Variants in CLIP2 observed in about 807,000 individuals in gnomAD.
CLIP2 encodes CAP-Gly domain containing linker protein 2, also known as CAP-Gly domain-containing linker protein 2.
CLIP2 carries 41 observed loss-of-function variants against 111.7 expected under a neutral mutation model. The ratio of observed to expected loss-of-function variants is 0.37; its 90% CI spans 0.29 to 0.48. The LOEUF (loss-of-function observed/expected upper bound fraction) is 0.48. Ranked by LOEUF, CLIP2 falls within the 20% of genes least tolerant of loss-of-function variation. The pLI is 0.99. For synonymous variants in CLIP2, 660 were observed against 644.2 expected (o/e 1.02, Z -0.37); for missense variants, 1,160 against 1,422.1 (o/e 0.82, Z 2.96).
At chr7:74,392,361 A>AAAAGAAAAGG (rs1791316138) in intron 13 of CLIP2, among the ~76,000 whole-genome samples, 1 of 151,080 alleles carries the variant, frequency 6.6e-6, no homozygotes, top group Non-Finnish European at 1.5e-5. Flanking sequence ...AAAAAAAAAA[A>AAAAGAAAAGG]AAAGAAAAGG....
At position 74,401,771 on chromosome 7, in the gene CLIP2, T is replaced by TA. The variant is rs1437430839; in HGVS notation, c.3129+210dup. 4 of 703,096 alleles carry TA rather than the reference T, an allele frequency of 5.7e-6. No homozygotes were observed. In the Admixed American group the frequency reaches 8.2e-5, roughly 14 times the overall value. The allele number at this position is 703,096 out of a possible 1,614,324, so 43.6% of individuals were successfully genotyped here. On this transcript the variant is annotated intron_variant, in intron 16 of 16. Coordinates refer to ENST00000223398, the MANE Select transcript of CLIP2 (RefSeq NM_003388.5). ...TTTGATTTGTGTTTTCTTCCCTTCT[T>TA]AAAAAAGTTATAGGTTGGGCGCAGT...
chr7:74,399,288 A>G (rs905043509), intron 14 of CLIP2, among the ~76,000 whole-genome samples: 2 of 152,002 alleles, frequency 1.3e-5, no homozygotes, highest in African/African-American at 4.8e-5. Context: ...CTATAATCCC[A>G]CTGCTTTGGG....
intron 16 of CLIP2, among the ~76,000 whole-genome samples, chr7:74,402,077 A>G (rs759433692): frequency 2.0e-5 from 3 of 152,126 alleles, no homozygotes; most frequent in Admixed American, 6.6e-5. Flanking sequence ...AGCCTGGCCA[A>G]TATGGTGAAA....
At chr7:74,350,342 G>A (rs929442018) in intron 3 of CLIP2, among the ~76,000 whole-genome samples, 1 of 151,990 alleles carries the variant, frequency 6.6e-6, no homozygotes, top group Non-Finnish European at 1.5e-5. Context: ...TTGAGCCACT[G>A]TTCCTGGCCT....
rs1489241977 is a variant in CLIP2 at position 74,303,489 on chromosome 7, C to T, written c.-68+13755C>T. ...AAGGGCTCACCATTGGCTCAGAAAG[C>T]CTGGCCTGGCAGTGAGCATTTTGGG... On this transcript the variant is annotated intron_variant, in intron 1 of 16. Coordinates refer to ENST00000223398, the MANE Select transcript of CLIP2 (RefSeq NM_003388.5). Among the ~76,000 whole-genome samples, 4 of 151,934 alleles carry T rather than the reference C, an allele frequency of 2.6e-5. No individual in the cohort carries two copies. The East Asian group carries it at 7.7e-4, about 29-fold the overall frequency.
chr7:74,322,753 A>T (rs952420112), intron 2 of CLIP2, among the ~76,000 whole-genome samples: 2 of 151,966 alleles, frequency 1.3e-5, no homozygotes, highest in Non-Finnish European at 2.9e-5. Flanking sequence ...TTTTTTTGAG[A>T]TGGAGTCTCG....
chr7:74,333,437 G>A (rs1789357457), intron 2 of CLIP2, among the ~76,000 whole-genome samples: 1 of 151,804 alleles, frequency 6.6e-6, no homozygotes, highest in African/African-American at 2.4e-5. Flanking sequence ...ACCCACCTCG[G>A]CCTCCCAAAG....
intron 16 of CLIP2, among the ~76,000 whole-genome samples, chr7:74,403,281 C>T (rs1005668080): frequency 6.6e-6 from 1 of 151,258 alleles, no homozygotes; most frequent in Non-Finnish European, 1.5e-5. Flanking sequence ...TTTGTAAAAC[C>T]TGCTTCTGGC....
At chr7:74,311,510 G>A (rs1554728512) in intron 1 of CLIP2, among the ~76,000 whole-genome samples, 1 of 152,020 alleles carries the variant, frequency 6.6e-6, no homozygotes, top group Non-Finnish European at 1.5e-5. Flanking sequence ...TGTGCTTATG[G>A]GCTGTTTGTA....
intron 8 of CLIP2, among the ~76,000 whole-genome samples, chr7:74,372,487 C>G (rs1790656849): frequency 6.6e-6 from 1 of 151,024 alleles, no homozygotes; most frequent in Non-Finnish European, 1.5e-5. Context: ...GGATGCTTTG[C>G]CTACAACCAG....
intron 2 of CLIP2, among the ~76,000 whole-genome samples, chr7:74,322,015 G>C (rs1280021522): frequency 9.7e-6 from 1 of 102,762 alleles, no homozygotes; most frequent in Non-Finnish European, 1.9e-5. Context: ...ACAGAGTCTT[G>C]CTCTGTCGAC....
At chr7:74,362,523 C>A (rs373727237) in intron 7 of CLIP2, among the ~76,000 whole-genome samples, 1 of 89,806 alleles carries the variant, frequency 1.1e-5, no homozygotes, top group African/African-American at 4.6e-5. Context: ...TTTTCTTTTT[C>A]TTTTCTTTTT....
intron 6 of CLIP2, among the ~76,000 whole-genome samples, chr7:74,359,607 G>A (rs1438674395): frequency 2.0e-5 from 3 of 152,074 alleles, no homozygotes; most frequent in Non-Finnish European, 4.4e-5. Flanking sequence ...CGCCCGCCTT[G>A]GCCTCCCAAA....
chr7:74,392,243 G>A (rs1457643094), intron 13 of CLIP2, among the ~76,000 whole-genome samples: 1 of 151,666 alleles, frequency 6.6e-6, no homozygotes, highest in Non-Finnish European at 1.5e-5. Flanking sequence ...CCCAGCTACT[G>A]GGGAGGCTGA....
chr7:74,375,837 TCCAGCCAG>T, intron 9 of CLIP2, 42 bp from the exon 10 acceptor site: 4 of 1,444,894 alleles, frequency 2.8e-6, no homozygotes, highest in Non-Finnish European at 3.7e-6. Flanking sequence ...CTCCTTACCT[TCCAGCCAG>T]CCAGCCAGCC....
In CLIP2 at chr7:74,405,667, TC is replaced by T. The variant is rs1236977085; in HGVS notation, c.*1820del. On this transcript the variant is annotated 3_prime_UTR_variant, in exon 17 of 17. Coordinates refer to ENST00000223398, the MANE Select transcript of CLIP2 (RefSeq NM_003388.5). ...CCCCATCGGTAGGGGCACCGATTAG[TC>T]TACTAACAGCCAGAGGTCCATCTAG... is the stretch of plus-strand genomic sequence containing the variant. The T allele has an allele frequency of 6.6e-6, 1 of 152,648 alleles. No individual in the cohort carries two copies. The highest frequency in any genetic ancestry group is 2.4e-5 in the African/African-American group (1 of 41,450). 9.5% of individuals were successfully genotyped at this position (152,648 alleles called of 1,614,324 possible).
chr7:74,356,491 A>G lies in CLIP2; in HGVS notation c.885A>G (p.Pro295=). Residue 295 remains proline (P), a synonymous_variant, in exon 5 of 17, where the codon CCA becomes CCG. Transcript: ENST00000223398. ...VIRIGFPSTS[P]AKAKKTKRMA... ...GTATCGGCTTCCCATCTACCAGCCC[A>G]GCCAAGGCCAAGAAGACCAAGCGTA... The G allele has an allele frequency of 6.2e-7, 1 of 1,614,198 alleles. No homozygotes were observed. The highest frequency in any genetic ancestry group is 8.5e-7 in the Non-Finnish European group (1 of 1,180,048).
chr7:74,361,176 T>TTTCCCTCCTTCCTTCCTTCCTTCC (rs1790318830), intron 7 of CLIP2, among the ~76,000 whole-genome samples: 7 of 62,016 alleles, frequency 1.1e-4, no homozygotes, highest in African/African-American at 4.0e-4. Context: ...CCCTCCCTTC[T>TTTCCCTCCTTCCTTCCTTCCTTCC]TTCCTTCCTT....
At chr7:74,299,211 G>C (rs1435202444) in intron 1 of CLIP2, among the ~76,000 whole-genome samples, 1 of 152,024 alleles carries the variant, frequency 6.6e-6, no homozygotes, top group Non-Finnish European at 1.5e-5. Context: ...TATAATCCCA[G>C]CTACTCAGGA....
Sources: gnomAD v4.1 joint callset for allele counts (sites outside exome capture counted in the v4.1 genomes callset) on GRCh38, gnomAD v4.1.1 for gene constraint, MANE v1.5 for transcripts, NCBI Gene and HGNC (gene_info 2026-07-23, HGNC 2026-07-21) for gene names.